Variants in CCDC73 observed in about 807,000 individuals in gnomAD.
The protein encoded by CCDC73 is coiled-coil domain containing 73.
Under a neutral mutation model 116.5 loss-of-function variants are expected in CCDC73, and 95 were observed. The observed-to-expected ratio is 0.82, with a 90% CI of 0.69 to 0.97. CCDC73 has a LOEUF of 0.97. CCDC73 is among the 50% of genes least tolerant of loss of function. CCDC73 has a pLI of 0.00. For missense variants in CCDC73, 1,066 were observed against 1,206.8 expected (o/e 0.88, Z 1.73); for synonymous variants, 398 against 401.3 (o/e 0.99, Z 0.10).
chr11:32,672,059 A>G (rs554560108), intron 9 of CCDC73, among the ~76,000 whole-genome samples: 3 of 152,316 alleles, frequency 2.0e-5, no homozygotes, highest in South Asian at 2.1e-4. Flanking sequence ...CATTAGAAAT[A>G]TAATAGGCAG....
chr11:32,826,646 C>CAAAAAAAA, the CCDC73 span, among the ~76,000 whole-genome samples: 2 of 63,512 alleles, frequency 3.1e-5, no homozygotes, highest in Admixed American at 1.7e-4. Context: ...GATAATAACT[C>CAAAAAAAA]AAAAAAAAAA....
chr11:32,816,451 A>G, the CCDC73 span, among the ~76,000 whole-genome samples: 1 of 152,198 alleles, frequency 6.6e-6, no homozygotes, highest in Non-Finnish European at 1.5e-5. Context: ...ATTTTCCACA[A>G]ATATTTACAA....
At chr11:32,645,472 G>C (rs1195934278) in intron 12 of CCDC73, among the ~76,000 whole-genome samples, 1 of 151,766 alleles carries the variant, frequency 6.6e-6, no homozygotes, top group African/African-American at 2.4e-5. Context: ...TGTATTTTTA[G>C]TAGAGACGGG....
At chr11:32,758,532 G>C in intron 2 of CCDC73, 1 of 453,838 alleles carries the variant, frequency 2.2e-6, no homozygotes, top group Admixed American at 2.3e-5. Context: ...GTCCATGACA[G>C]GATCAAACAT....
intron 9 of CCDC73, among the ~76,000 whole-genome samples, chr11:32,667,351 C>G (rs1855994588): frequency 6.6e-6 from 1 of 152,252 alleles, no homozygotes; most frequent in Non-Finnish European, 1.5e-5. Context: ...CCTACTCAAG[C>G]CTCAGCAATG....
chr11:32,756,727 G>C (rs1175022046), intron 2 of CCDC73, among the ~76,000 whole-genome samples: 1 of 151,606 alleles, frequency 6.6e-6, no homozygotes, highest in Admixed American at 6.6e-5. Flanking sequence ...CAGTAACTGT[G>C]GTTCAGTGTT....
At chr11:32,825,474 G>T in the CCDC73 span, among the ~76,000 whole-genome samples, 1 of 151,770 alleles carries the variant, frequency 6.6e-6, no homozygotes, top group Non-Finnish European at 1.5e-5. Flanking sequence ...GGCTAATTTT[G>T]TATTTTTAGT....
intron 10 of CCDC73, 80 bp from the exon 11 acceptor site, chr11:32,654,117 G>A (rs1437718155): frequency 1.5e-6 from 2 of 1,311,444 alleles, no homozygotes; most frequent in Admixed American, 2.4e-5. Flanking sequence ...AACAAATTTT[G>A]GAGTGTTATG....
At chr11:32,653,344 A>G (rs1855843645) in intron 11 of CCDC73, 117 bp from the exon 12 acceptor site, 1 of 572,268 alleles carries the variant, frequency 1.7e-6, no homozygotes, top group African/African-American at 1.9e-5. Flanking sequence ...TTTAATTTCA[A>G]TACTTTATAT....
At chr11:32,623,084 T>C (rs1004736953) in intron 14 of CCDC73, among the ~76,000 whole-genome samples, 3 of 152,078 alleles carry the variant, frequency 2.0e-5, no homozygotes, top group South Asian at 2.1e-4. Context: ...TCTCAGCTCA[T>C]TGTAACCTCT....
chr11:32,614,448 G>C lies in CCDC73; in HGVS notation c.1870C>G (p.Gln624Glu). The C allele has an allele frequency of 6.2e-7, 1 of 1,613,228 alleles. No homozygotes were observed. Residue 624 changes from glutamine (Q) to glutamate (E), a missense_variant, in exon 16 of 18, where the codon CAA becomes GAA. Transcript: ENST00000335185. Reference protein sequence around the residue: ...ALEKEITNSDQTKADLDSSLD... With the variant: ...ALEKEITNSDETKADLDSSLD... The stretch of plus-strand genomic sequence containing the variant: ...GACGAGTCCAAATCTGCTTTGGTTT[G>C]GTCACTATTTGTAATTTCCTTCTCT...
Position 32,613,780 on chromosome 11 carries a change from T to G in CCDC73, c.2538A>C (p.Thr846=). Residue 846 remains threonine, a synonymous_variant, in exon 16 of 18, where the codon ACA becomes ACC. Transcript: ENST00000335185. ...CTGAAACAATGTCATTTAATGATTCTGTTTTCTCTGTATTATTTAACAATG... is the reference window on the plus strand; with the variant it reads ...CTGAAACAATGTCATTTAATGATTCGGTTTTCTCTGTATTATTTAACAATG... ...QHTLLNNTEK[T]ESLNDIVSGK... The G allele has an allele frequency of 2.5e-6, 4 of 1,613,916 alleles. No homozygotes were observed. In the South Asian group the frequency reaches 4.4e-5, roughly 18 times the overall value.
At chr11:32,800,617 C>G in the CCDC73 span, among the ~76,000 whole-genome samples, 5 of 152,018 alleles carry the variant, frequency 3.3e-5, no homozygotes, top group African/African-American at 4.8e-5. Flanking sequence ...CTCTTCTGGA[C>G]CCCTTTACTT....
At chr11:32,627,060 A>G (rs1855581742) in intron 14 of CCDC73, among the ~76,000 whole-genome samples, 1 of 152,232 alleles carries the variant, frequency 6.6e-6, no homozygotes, top group East Asian at 1.9e-4. Context: ...AAATTTTTGC[A>G]TTCTACTCAT....
intron 2 of CCDC73, among the ~76,000 whole-genome samples, chr11:32,746,360 T>C (rs1487745419): frequency 2.0e-5 from 3 of 152,214 alleles, no homozygotes; most frequent in Non-Finnish European, 4.4e-5. Flanking sequence ...CCCTTAACAT[T>C]TTTTCCTTCA....
intron 6 of CCDC73, among the ~76,000 whole-genome samples, chr11:32,690,406 A>G (rs1856244785): frequency 6.6e-6 from 1 of 152,142 alleles, no homozygotes; most frequent in Non-Finnish European, 1.5e-5. Flanking sequence ...ATAACCCCCA[A>G]TTATTAACAT....
chr11:32,645,679 T>G (rs1406151487), intron 12 of CCDC73, among the ~76,000 whole-genome samples: 2 of 152,206 alleles, frequency 1.3e-5, no homozygotes, highest in Non-Finnish European at 2.9e-5. Flanking sequence ...CAGTCATTAT[T>G]ATCAAGTATT....
At chr11:32,692,385 G>A (rs1856269120) in intron 6 of CCDC73, among the ~76,000 whole-genome samples, 1 of 151,952 alleles carries the variant, frequency 6.6e-6, no homozygotes, top group Non-Finnish European at 1.5e-5. Flanking sequence ...CAAAGCTCCA[G>A]AAATCTAATT....
intron 2 of CCDC73, among the ~76,000 whole-genome samples, chr11:32,721,730 AGGG>A (rs1408669676): frequency 1.2e-3 from 12 of 9,708 alleles, no homozygotes; most frequent in Non-Finnish European, 2.2e-3. Context: ...AGTAGCTGGG[AGGG>A]ACTACAGGCA....
Sources: allele counts gnomAD v4.1 joint callset (sites outside exome capture counted in the v4.1 genomes callset), GRCh38; gene constraint gnomAD v4.1.1; transcripts MANE v1.5; gene names NCBI Gene and HGNC (gene_info 2026-07-23, HGNC 2026-07-21).